Variants in SORCS1 observed in about 807,000 individuals in gnomAD.
SORCS1 encodes the protein sortilin related VPS10 domain containing receptor 1.
In SORCS1, 60 loss-of-function variants were observed where a neutral mutation model predicts 146.1. The observed-to-expected ratio is 0.41, with a 90% CI of 0.33 to 0.51. SORCS1 has a LOEUF of 0.51. Among genes scored for constraint, SORCS1 ranks in the 20% least tolerant of loss-of-function variants. The pLI is 0.21. For synonymous variants in SORCS1, 637 were observed against 584.0 expected, an observed-to-expected ratio of 1.09 and a Z score of -1.31; for missense variants, 1,352 against 1,487.6, an observed-to-expected ratio of 0.91 and a Z score of 1.50.
At chr10:106,913,944 C>G (rs554513309) in intron 2 of SORCS1, among the ~76,000 whole-genome samples, 1 of 152,188 alleles carries the variant, frequency 6.6e-6, no homozygotes, top group Non-Finnish European at 1.5e-5. Flanking sequence ...TGAGTCCCTT[C>G]TGTGCTTGTA....
At chr10:106,867,981 A>G (rs1488348800) in intron 2 of SORCS1, among the ~76,000 whole-genome samples, 1 of 152,204 alleles carries the variant, frequency 6.6e-6, no homozygotes, top group Admixed American at 6.5e-5. Context: ...ATGTAATGAC[A>G]CCTATAGGCT....
intron 1 of SORCS1, among the ~76,000 whole-genome samples, chr10:107,143,976 C>A (rs1429683003): frequency 2.6e-5 from 4 of 152,042 alleles, no homozygotes; most frequent in African/African-American, 9.6e-5. Flanking sequence ...TTGTAAGATG[C>A]CAGTTTTTCT....
chr10:107,002,000 A>G (rs1271515737), intron 1 of SORCS1, among the ~76,000 whole-genome samples: 1 of 152,224 alleles, frequency 6.6e-6, no homozygotes, highest in Admixed American at 6.5e-5. Flanking sequence ...TGTCACAATT[A>G]TGATTCTGAA....
intron 2 of SORCS1, among the ~76,000 whole-genome samples, chr10:106,908,011 G>T (rs1212298655): frequency 5.9e-5 from 9 of 152,014 alleles, no homozygotes; most frequent in African/African-American, 2.2e-4. Flanking sequence ...CATCTTAAAA[G>T]TATCCATCAT....
chr10:106,579,973 A>T (rs559251331), intron 24 of SORCS1, among the ~76,000 whole-genome samples: 25 of 151,992 alleles, frequency 1.6e-4, no homozygotes, highest in Admixed American at 1.4e-3. Context: ...ATATTTTATT[A>T]TACTCTGAGT....
rs1248381722 is a variant in SORCS1, at chr10:106,620,504, A to T, written c.2720T>A (p.Val907Asp). 6.2e-7 allele frequency: 1 copy of T among 1,613,976 alleles called. No individual in the cohort carries two copies. The highest frequency in any genetic ancestry group is 1.7e-5 in the Admixed American group (1 of 60,006). ...LPFVTTKNKE[V>D]NATAVLWPSQ... ...GGGCCACAGCACTGCCGTCGCATTGACCTCTTTGTTCTTTGTGGTGACAAA... is the reference window on the plus strand; with the variant it reads ...GGGCCACAGCACTGCCGTCGCATTGTCCTCTTTGTTCTTTGTGGTGACAAA... Residue 907 changes from valine (V) to aspartate (D), a missense_variant, in exon 20 of 26, where the codon GTC becomes GAC. Coordinates refer to ENST00000263054, the MANE Select transcript of SORCS1 (RefSeq NM_052918.5).
intron 2 of SORCS1, among the ~76,000 whole-genome samples, chr10:106,835,426 TA>T (rs926664375): frequency 4.6e-5 from 7 of 152,200 alleles, no homozygotes; most frequent in Non-Finnish European, 8.8e-5. Context: ...GCTCAATACT[TA>T]CTAAAACCTA....
At chr10:106,606,718 C>T (rs1330512866) in intron 23 of SORCS1, among the ~76,000 whole-genome samples, 1 of 152,174 alleles carries the variant, frequency 6.6e-6, no homozygotes, top group Non-Finnish European at 1.5e-5. Flanking sequence ...CCATAATCCC[C>T]ACTTGCCATG....
intron 2 of SORCS1, among the ~76,000 whole-genome samples, chr10:106,889,492 G>A (rs1368231183): frequency 1.3e-5 from 2 of 151,744 alleles, no homozygotes; most frequent in Non-Finnish European, 2.9e-5. Context: ...GGCCAGGCAC[G>A]GTGGCTCATG....
At chr10:107,040,386 A>G (rs1157884484) in intron 1 of SORCS1, among the ~76,000 whole-genome samples, 1 of 152,206 alleles carries the variant, frequency 6.6e-6, no homozygotes, top group Non-Finnish European at 1.5e-5. Flanking sequence ...TAATAACTGC[A>G]GAAATACTAT....
At chr10:106,639,910 C>A (rs374262535) in intron 18 of SORCS1, among the ~76,000 whole-genome samples, 1 of 151,850 alleles carries the variant, frequency 6.6e-6, no homozygotes, top group Admixed American at 6.6e-5. Flanking sequence ...CCCAGCTACT[C>A]GGGAGGCTGA....
intron 1 of SORCS1, among the ~76,000 whole-genome samples, chr10:107,056,364 C>T (rs1237819321): frequency 6.6e-6 from 1 of 152,208 alleles, no homozygotes; most frequent in Non-Finnish European, 1.5e-5. Flanking sequence ...CACTGCCCCA[C>T]CTTGCAGGGT....
intron 9 of SORCS1, among the ~76,000 whole-genome samples, chr10:106,690,626 G>C (rs1408963643): frequency 6.6e-6 from 1 of 152,194 alleles, no homozygotes; most frequent in Non-Finnish European, 1.5e-5. Context: ...GGTTTATCTT[G>C]AGGAATAAAA....
At chr10:107,146,482 G>A (rs1424923423) in intron 1 of SORCS1, among the ~76,000 whole-genome samples, 1 of 152,120 alleles carries the variant, frequency 6.6e-6, no homozygotes, top group African/African-American at 2.4e-5. Flanking sequence ...TACAGAACGT[G>A]AGTGGATGCC....
At chr10:107,169,268 T>C (rs180848340), upstream of SORCS1, among the ~76,000 whole-genome samples, 40 of 152,338 alleles carry the variant, frequency 2.6e-4, no homozygotes, top group African/African-American at 8.4e-4. Context: ...AAGTGTCTTG[T>C]CTTGCATTTC....
intron 6 of SORCS1, among the ~76,000 whole-genome samples, chr10:106,711,229 T>TA: frequency 1.3e-5 from 2 of 152,204 alleles, no homozygotes; most frequent in Admixed American, 6.5e-5. Flanking sequence ...CTTTTGAGTA[T>TA]AAAAAAGGAG....
chr10:106,898,092 G>A (rs774073814), intron 2 of SORCS1, among the ~76,000 whole-genome samples: 1 of 152,208 alleles, frequency 6.6e-6, no homozygotes, highest in Non-Finnish European at 1.5e-5. Flanking sequence ...TATTTCCACA[G>A]CTCTTTCAAA....
At chr10:107,004,176 A>AAAAAC (rs1957344450) in intron 1 of SORCS1, among the ~76,000 whole-genome samples, 1 of 54,720 alleles carries the variant, frequency 1.8e-5, no homozygotes. Flanking sequence ...ATCCCATCTC[A>AAAAAC]AAAAAAAAAA....
At chr10:107,097,476 C>G (rs1203165243) in intron 1 of SORCS1, among the ~76,000 whole-genome samples, 1 of 152,136 alleles carries the variant, frequency 6.6e-6, no homozygotes, top group East Asian at 1.9e-4. Context: ...ACAACTGGGC[C>G]TGCAAGGTGC....
Sources: gnomAD v4.1 joint callset for allele counts (sites outside exome capture counted in the v4.1 genomes callset) on GRCh38, gnomAD v4.1.1 for gene constraint, MANE v1.5 for transcripts, NCBI Gene and HGNC (gene_info 2026-07-23, HGNC 2026-07-21) for gene names.